Variants in CHRDL1 observed in about 807,000 individuals in gnomAD.
CHRDL1 encodes the protein chordin-like protein 1.
CHRDL1 carries 19 observed loss-of-function variants against 40.9 expected under a neutral mutation model. The observed-to-expected ratio is 0.46, with a 90% confidence interval of 0.32 to 0.68. CHRDL1 has a LOEUF of 0.68. Ranked by LOEUF, CHRDL1 falls within the 30% of genes least tolerant of loss-of-function variation. CHRDL1 has a pLI of 0.03. For missense variants in CHRDL1, 329 were observed against 352.1 expected (o/e 0.93, Z 0.53); for synonymous variants, 136 against 123.4 (o/e 1.10, Z -0.68).
At chrX:110,697,814 C>CCACACACACA (rs60454872) in intron 7 of CHRDL1, among the ~76,000 whole-genome samples, 2 of 55,133 alleles carry the variant, frequency 3.6e-5, no homozygotes, top group Non-Finnish European at 7.3e-5. Context: ...CCACACCACT[C>CCACACACACA]CACACACACA....
At chrX:110,747,641 C>T (rs376642900) in intron 4 of CHRDL1, among the ~76,000 whole-genome samples, 24 of 112,229 alleles carry the variant, frequency 2.1e-4, no homozygotes, top group Non-Finnish European at 2.8e-4. Context: ...AACTTACATA[C>T]GTACAACATA....
rs2090111362 is a variant in CHRDL1, at chrX:110,792,087, C to T, written c.94+1G>A. Reference sequence around the variant, plus strand: ...TTATTTTCCAAATGCAAGACACTTACGTTTTACTTGCTCTGTTTTGCCTCC... The same window carrying T: ...TTATTTTCCAAATGCAAGACACTTATGTTTTACTTGCTCTGTTTTGCCTCC... On this transcript the variant is annotated splice_donor_variant, in intron 2 of 11. Coordinates refer to ENST00000372042, the MANE Select transcript of CHRDL1 (RefSeq NM_001143981.2). LOFTEE classifies it high-confidence loss of function. The T allele has an allele frequency of 1.8e-6, 2 of 1,117,743 alleles. No homozygotes were observed. Among genetic ancestry groups the T allele is most frequent in the Non-Finnish European group, 2.4e-6 (2 of 817,751 alleles). 92.1% of individuals were successfully genotyped at this position (1,117,743 alleles called of 1,213,427 possible).
chrX:110,711,267 C>T (rs2070742819), intron 6 of CHRDL1, among the ~76,000 whole-genome samples: 1 of 111,634 alleles, frequency 9.0e-6, no homozygotes, highest in Admixed American at 9.5e-5. Context: ...AATGTATAAA[C>T]TCAAAAATTA....
intron 4 of CHRDL1, among the ~76,000 whole-genome samples, chrX:110,751,154 TG>T (rs940411202): frequency 1.8e-5 from 2 of 111,673 alleles, no homozygotes; most frequent in Non-Finnish European, 3.8e-5. Flanking sequence ...GTGTAGGGTC[TG>T]GGAGTCTGCA....
chrX:110,688,122 G>GA (rs1250919873), intron 9 of CHRDL1, among the ~76,000 whole-genome samples: 2 of 111,581 alleles, frequency 1.8e-5, no homozygotes, highest in African/African-American at 6.5e-5. Context: ...AGATAAGGCT[G>GA]ATGAGGCTCA....
chrX:110,697,350 A>G (rs1331268541), intron 7 of CHRDL1, among the ~76,000 whole-genome samples: 1 of 110,537 alleles, frequency 9.0e-6, no homozygotes, highest in Non-Finnish European at 1.9e-5. Flanking sequence ...TGTTTGTGAT[A>G]CTGTACTATA....
intron 2 of CHRDL1, among the ~76,000 whole-genome samples, chrX:110,777,972 C>T (rs185896019): frequency 5.6e-4 from 62 of 110,872 alleles, no homozygotes; most frequent in African/African-American, 1.8e-3. Flanking sequence ...ATTTGATCTT[C>T]GACAAAGTCA....
intron 9 of CHRDL1, among the ~76,000 whole-genome samples, chrX:110,686,763 G>C (rs758979385): frequency 1.4e-4 from 15 of 108,909 alleles, no homozygotes; most frequent in Non-Finnish European, 2.7e-4. Context: ...TATAGTCCCA[G>C]CTACTCGGGA....
chrX:110,681,419 G>A, intron 10 of CHRDL1, 63 bp downstream of exon 10: 6 of 1,004,417 alleles, frequency 6.0e-6, no homozygotes, highest in Non-Finnish European at 5.5e-6. Context: ...AAATTAAAGT[G>A]AGTCCTCTCA....
At chrX:110,772,301 C>T (rs2089773357) in intron 2 of CHRDL1, among the ~76,000 whole-genome samples, 1 of 112,286 alleles carries the variant, frequency 8.9e-6, no homozygotes, top group African/African-American at 3.2e-5. Context: ...GTAGAATAGC[C>T]AAAACAATTT....
At chrX:110,729,175 C>A (rs994495939) in intron 4 of CHRDL1, among the ~76,000 whole-genome samples, 1 of 111,576 alleles carries the variant, frequency 9.0e-6, no homozygotes, top group African/African-American at 3.3e-5. Context: ...AGCCTCCCCC[C>A]ACCTCCAAAA....
intron 4 of CHRDL1, among the ~76,000 whole-genome samples, chrX:110,742,602 G>A (rs1378080878): frequency 8.9e-6 from 1 of 112,233 alleles, no homozygotes; most frequent in Non-Finnish European, 1.9e-5. Flanking sequence ...TTATTTCCAA[G>A]TATCAGGGGC....
chrX:110,778,408 G>T, intron 2 of CHRDL1, among the ~76,000 whole-genome samples: 1 of 111,458 alleles, frequency 9.0e-6, no homozygotes, highest in Middle Eastern at 4.6e-3. Context: ...AAACTTATAA[G>T]CAAAAAACAA....
intron 8 of CHRDL1, 34 bp downstream of exon 8, chrX:110,694,128 GT>G (rs1282831453): frequency 8.8e-7 from 1 of 1,136,758 alleles, no homozygotes; most frequent in East Asian, 3.0e-5. Context: ...CTGAAGCCTT[GT>G]TGTGGAAGTA....
At chrX:110,704,650 G>C in intron 6 of CHRDL1, among the ~76,000 whole-genome samples, 1 of 111,731 alleles carries the variant, frequency 9.0e-6, no homozygotes, top group Non-Finnish European at 1.9e-5. Context: ...CTCTTGGGTT[G>C]CAAATCTGGA....
chrX:110,686,902 A>AAC (rs1349889605), intron 9 of CHRDL1, among the ~76,000 whole-genome samples: 1 of 107,092 alleles, frequency 9.3e-6, no homozygotes, highest in Non-Finnish European at 1.9e-5. Context: ...AAAAAATAAA[A>AAC]AAAAAAATAA....
At chrX:110,759,806 G>A in intron 3 of CHRDL1, 52 bp from the exon 4 acceptor site, 3 of 916,235 alleles carry the variant, frequency 3.3e-6, no homozygotes, top group Non-Finnish European at 4.8e-6. Context: ...AAGGTCGCTG[G>A]GATCAAGCCA....
At chrX:110,688,212 C>T in intron 9 of CHRDL1, among the ~76,000 whole-genome samples, 2 of 111,093 alleles carry the variant, frequency 1.8e-5, no homozygotes, top group African/African-American at 3.3e-5. Flanking sequence ...CTATAACTCA[C>T]CTGCCTCTCG....
At chrX:110,696,024 T>C (rs909242547) in intron 7 of CHRDL1, among the ~76,000 whole-genome samples, 1 of 111,966 alleles carries the variant, frequency 8.9e-6, no homozygotes, top group African/African-American at 3.3e-5. Context: ...TTTTCTGCCA[T>C]AATCACTCAC....
Sources: gnomAD v4.1 joint callset for allele counts (sites outside exome capture counted in the v4.1 genomes callset) on GRCh38, gnomAD v4.1.1 for gene constraint, MANE v1.5 for transcripts, NCBI Gene and HGNC (gene_info 2026-07-23, HGNC 2026-07-21) for gene names.